UBE2J2: variants seen among roughly 807,000 people sequenced by gnomAD.
UBE2J2 encodes the protein ubiquitin-conjugating enzyme E2 J2.
In UBE2J2, 5 loss-of-function variants were observed where a neutral mutation model predicts 28.6. That is an observed-to-expected ratio of 0.17 (90% CI 0.09 to 0.37). The LOEUF (loss-of-function observed/expected upper bound fraction) is 0.37. UBE2J2 is among the 10% of genes least tolerant of loss of function. UBE2J2 has a pLI of 1.00. For missense variants in UBE2J2, 226 were observed against 338.9 expected (o/e 0.67, Z 2.62); for synonymous variants, 138 against 139.7 (o/e 0.99, Z 0.09).
chr1:1,256,998 G>C lies in UBE2J2; in HGVS notation c.408C>G (p.Asp136Glu). 1 of 1,560,938 alleles carries C rather than the reference G, an allele frequency of 6.4e-7. No individual in the cohort carries two copies. ...GPTLGSIETS[D>E]FTKRQLAVQS... The stretch of plus-strand genomic sequence containing the variant: ...GAGAGGCTCTAAAACTTACCGTGAA[G>C]TCCGACGTCTCTATACTGCCCAGGG... The change falls in exon 5 of 7, where the codon GAC (aspartate) becomes GAG (glutamate). Residue 136 changes from aspartate (D) to glutamate (E), a missense_variant. Physicochemically the swap from Asp to Glu is conservative, Grantham distance 45. Coordinates refer to ENST00000349431, the MANE Select transcript of UBE2J2 (RefSeq NM_058167.3).
chr1:1,265,826 G>C (rs968530284), intron 2 of UBE2J2, among the ~76,000 whole-genome samples: 2 of 151,986 alleles, frequency 1.3e-5, no homozygotes, highest in Admixed American at 1.3e-4. Flanking sequence ...GTAGAGACAG[G>C]GTTCCACCAT....
Position 1,257,247 on chromosome 1 carries a change from T to C in UBE2J2, c.236A>G (p.Tyr79Cys), listed in dbSNP as rs773460008. The change falls in exon 4 of 7, where the codon TAT becomes TGT. Residue 79 changes from tyrosine (Y) to cysteine (C), a missense_variant. Tyr to Cys is a radical substitution (Grantham distance 194). This residue lies in a region of UBE2J2 where 80 missense variants were observed against 114.5 expected (regional missense o/e 0.70). Coordinates refer to ENST00000349431, the MANE Select transcript of UBE2J2 (RefSeq NM_058167.3). ...REFPFKPPSI[Y>C]MITPNGRFKC... ...AAACCTCCCGTTGGGAGTGATCATA[T>C]AGATACTGGGAGGTTTGAAAGGAAA... 1 of 1,613,302 alleles carries C rather than the reference T, an allele frequency of 6.2e-7. No homozygotes were observed.
At chr1:1,266,651 C>T (rs1228420630) in intron 2 of UBE2J2, among the ~76,000 whole-genome samples, 1 of 151,584 alleles carries the variant, frequency 6.6e-6, no homozygotes, top group Non-Finnish European at 1.5e-5. Flanking sequence ...GAAACCCCGT[C>T]TCTACTAAAA....
chr1:1,267,764 T>C, intron 2 of UBE2J2, 98 bp downstream of exon 2: 1 of 1,567,830 alleles, frequency 6.4e-7, no homozygotes, highest in Non-Finnish European at 8.7e-7. Flanking sequence ...ACCTTGCCAA[T>C]GCCATGACTG....
At chr1:1,263,181 G>T in intron 3 of UBE2J2, 165 bp downstream of exon 3, 1 of 674,936 alleles carries the variant, frequency 1.5e-6, no homozygotes. Context: ...AACACTTCCA[G>T]CGTGTGGAGA....
At chr1:1,265,795 G>A (rs374218378) in intron 2 of UBE2J2, among the ~76,000 whole-genome samples, 15 of 152,068 alleles carry the variant, frequency 9.9e-5, no homozygotes, top group Admixed American at 2.0e-4. Context: ...CCACCATACC[G>A]GGCTAATTTC....
At chr1:1,255,915 C>A in intron 6 of UBE2J2, 130 bp downstream of exon 6, 3 of 736,364 alleles carry the variant, frequency 4.1e-6, no homozygotes, top group Admixed American at 4.5e-5. Context: ...TGCCTCGGGG[C>A]TCCTGGGGGA....
chr1:1,264,129 G>T (rs560783513), intron 2 of UBE2J2, among the ~76,000 whole-genome samples: 1 of 152,070 alleles, frequency 6.6e-6, no homozygotes, highest in Non-Finnish European at 1.5e-5. Context: ...GCCCTTTCTC[G>T]TGCTCCTGGA....
At position 1,257,061 on chromosome 1, in the gene UBE2J2, C is replaced by G. The variant is rs1639227191; in HGVS notation, c.345G>C (p.Leu115=). The G allele has an allele frequency of 6.2e-7, 1 of 1,613,188 alleles. No individual in the cohort carries two copies. Among genetic ancestry groups the G allele is most frequent in the African/African-American group, 1.3e-5 (1 of 74,942 alleles). The stretch of plus-strand genomic sequence containing the variant: ...CCACCATGAAGCTCAGGAGCCCAGT[C>G]AGGATGGTGGAGACAGACCAGGCCG... ...WNPAWSVSTI[L]TGLLSFMVEK... The change falls in exon 5 of 7, where the codon CTG becomes CTC. Residue 115 remains leucine (L), a synonymous_variant. Transcript: ENST00000349431.
intron 2 of UBE2J2, among the ~76,000 whole-genome samples, chr1:1,266,866 A>G (rs889049967): frequency 3.9e-5 from 6 of 152,100 alleles, no homozygotes; most frequent in African/African-American, 1.4e-4. Context: ...AGATCAAAAT[A>G]TAAAACATCC....
chr1:1,268,894 C>G lies in UBE2J2; in HGVS notation c.1-902G>C, dbSNP rs1640011823. On this transcript the variant is annotated intron_variant, in intron 1 of 6. Transcript: ENST00000349431. The surrounding 1 kb of genome is among the most constrained non-coding windows in gnomAD (Gnocchi z 4.7). ...ATCTCACTATGTTGCCCAAGGTGGT[C>G]TCAAACTCCTGGCCTCAACTGATTC... Among the ~76,000 whole-genome samples the G allele has an allele frequency of 6.6e-6, 1 of 151,702 alleles. No homozygotes were observed. The highest frequency in any genetic ancestry group is 1.5e-5 in the Non-Finnish European group (1 of 67,960).
At chr1:1,256,831 G>T (rs572368964) in intron 5 of UBE2J2, among the ~76,000 whole-genome samples, 161 bp downstream of exon 5, 1 of 148,504 alleles carries the variant, frequency 6.7e-6, no homozygotes, top group Admixed American at 6.8e-5. Context: ...AGCTTGCAGT[G>T]AGCCGAGATT....
intron 2 of UBE2J2, among the ~76,000 whole-genome samples, chr1:1,265,565 G>T (rs1291817794): frequency 3.2e-5 from 3 of 95,130 alleles, no homozygotes; most frequent in East Asian, 2.7e-4. Flanking sequence ...GTTTTCTCTC[G>T]TGTGTGTGTG....
intron 6 of UBE2J2, 99 bp from the exon 7 acceptor site, chr1:1,255,586 C>G: frequency 7.1e-7 from 1 of 1,400,848 alleles, no homozygotes; most frequent in Non-Finnish European, 9.7e-7. Flanking sequence ...CACCAAGAAC[C>G]AAGCCCTAGG....
intron 2 of UBE2J2, among the ~76,000 whole-genome samples, chr1:1,266,556 T>C (rs905154325): frequency 6.6e-6 from 1 of 151,766 alleles, no homozygotes; most frequent in Non-Finnish European, 1.5e-5. Flanking sequence ...GCGTGGTGGC[T>C]CACGCCTGTA....
chr1:1,256,094 A>C lies in UBE2J2; in HGVS notation c.446T>G (p.Phe149Cys), dbSNP rs754337110. 17 of 1,613,758 alleles carry C rather than the reference A, an allele frequency of 1.1e-5. No individual in the cohort carries two copies. The highest frequency in any genetic ancestry group is 1.4e-5 in the Non-Finnish European group (17 of 1,179,702). The part of the protein sequence containing the change: ...KRQLAVQSLA[F>C]NLKDKVFCEL... Reference sequence around the variant, plus strand: ...ACAAAAGACTTTATCTTTCAAATTAAATGCTAAACTCTGCACTGCCAGTTG... The same window carrying C: ...ACAAAAGACTTTATCTTTCAAATTACATGCTAAACTCTGCACTGCCAGTTG... Residue 149 changes from phenylalanine to cysteine, a missense_variant, in exon 6 of 7, where the codon TTT (phenylalanine) becomes TGT (cysteine). Phe to Cys is a radical substitution (Grantham distance 205). This residue lies in a region of UBE2J2 where 133 missense variants were observed against 161.5 expected (regional missense o/e 0.82). Coordinates refer to ENST00000349431, the MANE Select transcript of UBE2J2 (RefSeq NM_058167.3).
At position 1,268,214 on chromosome 1, in the gene UBE2J2, G is replaced by A. The variant is rs769794037; in HGVS notation, c.1-222C>T. On this transcript the variant is annotated intron_variant, in intron 1 of 6. Coordinates refer to ENST00000349431, the MANE Select transcript of UBE2J2 (RefSeq NM_058167.3). The surrounding 1 kb of genome is among the most constrained non-coding windows in gnomAD (Gnocchi z 4.7). ...GTCCCGCCACCACCTTCATTGACAC[G>A]ACGTACAGCTCAGGTACAAAGACGA... is the stretch of plus-strand genomic sequence containing the variant. 6.6e-5 allele frequency among the ~76,000 whole-genome samples: 10 copies of A among 152,014 alleles called. No individual in the cohort carries two copies. Among genetic ancestry groups the A allele is most frequent in the African/African-American group, 2.2e-4 (9 of 41,374 alleles).
At chr1:1,270,899 G>A (rs750712325) in intron 1 of UBE2J2, among the ~76,000 whole-genome samples, 4 of 150,796 alleles carry the variant, frequency 2.7e-5, no homozygotes, top group Admixed American at 1.3e-4. Context: ...GACCCAGCAC[G>A]GCCCAGGTCC....
At position 1,256,037 on chromosome 1, in the gene UBE2J2, T is replaced by C. The variant is rs1245678390; in HGVS notation, c.495+8A>G. The C allele has an allele frequency of 1.9e-6, 3 of 1,602,744 alleles. No individual in the cohort carries two copies. Among genetic ancestry groups the C allele is most frequent in the African/African-American group, 1.3e-5 (1 of 74,688 alleles). On this transcript the variant is annotated splice_region_variant and intron_variant, in intron 6 of 6. Coordinates refer to ENST00000349431, the MANE Select transcript of UBE2J2 (RefSeq NM_058167.3). ...GGGGAAGGCGAAACCCACTTCCGTC[T>C]TTCTTACCTCCACGACTTCAGGAAA...
Sources: allele counts gnomAD v4.1 joint callset (sites outside exome capture counted in the v4.1 genomes callset), GRCh38; gene constraint gnomAD v4.1.1; regional missense constraint gnomAD v4.1.1; non-coding constraint Gnocchi (gnomAD v3.1); transcripts MANE v1.5; gene names NCBI Gene and HGNC (gene_info 2026-07-23, HGNC 2026-07-21).